Variants in SLC10A7 observed in about 807,000 individuals in gnomAD.
SLC10A7 encodes solute carrier family 10 member 7, also known as sodium/bile acid cotransporter 7.
In SLC10A7, 29 loss-of-function variants were observed where a neutral mutation model predicts 43.2. The ratio of observed to expected loss-of-function variants is 0.67; its 90% CI spans 0.50 to 0.92. The LOEUF (loss-of-function observed/expected upper bound fraction) is 0.92. SLC10A7 is among the 40% of genes least tolerant of loss of function. The probability of loss-of-function intolerance (pLI) is 0.00; values close to 1 mark genes in which losing one functional copy is unlikely to be tolerated. For missense variants in SLC10A7, 295 were observed against 403.2 expected (o/e 0.73, Z 2.30); for synonymous variants, 152 against 144.8 (o/e 1.05, Z -0.35).
At chr4:146,483,211 T>C (rs1440056644) in intron 4 of SLC10A7, among the ~76,000 whole-genome samples, 1 of 152,234 alleles carries the variant, frequency 6.6e-6, no homozygotes, top group Admixed American at 6.5e-5. Flanking sequence ...ACTGTAGTGA[T>C]GGTGTGTAAA....
intron 5 of SLC10A7, among the ~76,000 whole-genome samples, chr4:146,346,264 C>CA (rs1471691677): frequency 5.3e-5 from 8 of 152,136 alleles, no homozygotes; most frequent in African/African-American, 1.9e-4. Flanking sequence ...AAAACAACAA[C>CA]AACAAAAAAC....
At chr4:146,442,021 T>A in intron 5 of SLC10A7, 3 of 979,298 alleles carry the variant, frequency 3.1e-6, no homozygotes, top group Non-Finnish European at 2.4e-6. Context: ...GCTAATGAGT[T>A]ATGCCCCAAA....
chr4:146,468,109 C>A (rs1021513789), intron 4 of SLC10A7, among the ~76,000 whole-genome samples: 2 of 152,178 alleles, frequency 1.3e-5, no homozygotes, highest in African/African-American at 4.8e-5. Flanking sequence ...GAACCTCTAA[C>A]GAGTTTAATT....
At chr4:146,427,095 A>G (rs1461702892) in intron 5 of SLC10A7, among the ~76,000 whole-genome samples, 1 of 152,192 alleles carries the variant, frequency 6.6e-6, no homozygotes, top group Admixed American at 6.5e-5. Flanking sequence ...GTGGCCAGAC[A>G]TGATGGAAGA....
At chr4:146,501,332 C>T (rs1579351097) in intron 4 of SLC10A7, among the ~76,000 whole-genome samples, 2 of 152,158 alleles carry the variant, frequency 1.3e-5, no homozygotes, top group African/African-American at 4.8e-5. Flanking sequence ...AAACCAAATT[C>T]TTGATCTTTA....
chr4:146,489,408 G>T (rs1469537379), intron 4 of SLC10A7, among the ~76,000 whole-genome samples: 1 of 152,110 alleles, frequency 6.6e-6, no homozygotes, highest in African/African-American at 2.4e-5. Context: ...GTCTCTTTTT[G>T]TGTCAGTTTT....
intron 7 of SLC10A7, among the ~76,000 whole-genome samples, chr4:146,301,670 G>A (rs1010113960): frequency 3.9e-5 from 6 of 152,148 alleles, no homozygotes; most frequent in African/African-American, 1.4e-4. Context: ...AGGTGTGAAA[G>A]ATTTCTGAGG....
chr4:146,304,216 T>C (rs1731372806), intron 7 of SLC10A7, among the ~76,000 whole-genome samples: 1 of 149,956 alleles, frequency 6.7e-6, no homozygotes, highest in Non-Finnish European at 1.5e-5. Flanking sequence ...CTTTAAGAGA[T>C]AATAGGATTA....
At chr4:146,408,472 C>A (rs1312563055) in intron 5 of SLC10A7, 1 of 152,018 alleles carries the variant, frequency 6.6e-6, no homozygotes, top group Non-Finnish European at 1.5e-5. Flanking sequence ...ACTGCTTGAA[C>A]CCTGGAGTGA....
intron 5 of SLC10A7, among the ~76,000 whole-genome samples, chr4:146,383,565 T>A (rs1334700819): frequency 6.6e-6 from 1 of 152,196 alleles, no homozygotes; most frequent in Admixed American, 6.5e-5. Flanking sequence ...TCCCACCCTG[T>A]GGAGTGTGCT....
chr4:146,484,069 A>G (rs1734719340), intron 4 of SLC10A7, among the ~76,000 whole-genome samples: 1 of 152,214 alleles, frequency 6.6e-6, no homozygotes, highest in Non-Finnish European at 1.5e-5. Flanking sequence ...TGAAAAGATC[A>G]GGCCAGGTGC....
chr4:146,450,086 T>C (rs1731451448), intron 4 of SLC10A7, among the ~76,000 whole-genome samples: 1 of 146,268 alleles, frequency 6.8e-6, no homozygotes, highest in African/African-American at 2.5e-5. Context: ...TTTAAATATA[T>C]AGCTGAGCTA....
At chr4:146,288,581 T>TA (rs1730193304) in intron 9 of SLC10A7, among the ~76,000 whole-genome samples, 1 of 152,216 alleles carries the variant, frequency 6.6e-6, no homozygotes, top group Admixed American at 6.5e-5. Flanking sequence ...GCTATCTTGG[T>TA]AAATAATCCA....
intron 10 of SLC10A7, among the ~76,000 whole-genome samples, chr4:146,272,192 T>G (rs1285848264): frequency 1.3e-5 from 2 of 152,196 alleles, no homozygotes; most frequent in Non-Finnish European, 2.9e-5. Context: ...AAGCATCTTT[T>G]CATTGGCACT....
intron 5 of SLC10A7, among the ~76,000 whole-genome samples, chr4:146,421,431 A>G (rs1396104773): frequency 6.6e-6 from 1 of 152,120 alleles, no homozygotes; most frequent in African/African-American, 2.4e-5. Context: ...TCACTCACCA[A>G]CTTACCAATA....
intron 6 of SLC10A7, among the ~76,000 whole-genome samples, chr4:146,316,189 C>T (rs1453860108): frequency 1.3e-5 from 2 of 151,990 alleles, no homozygotes; most frequent in Non-Finnish European, 2.9e-5. Flanking sequence ...GGAAGATATA[C>T]TGAGAAAATA....
intron 10 of SLC10A7, among the ~76,000 whole-genome samples, chr4:146,261,331 G>A (rs1000943163): frequency 6.6e-6 from 1 of 152,172 alleles, no homozygotes; most frequent in Non-Finnish European, 1.5e-5. Flanking sequence ...AGCACCAGCG[G>A]GGCAGTGCCC....
chr4:146,519,112 T>TATATATAA (rs1553991185), intron 1 of SLC10A7, among the ~76,000 whole-genome samples: 16 of 15,962 alleles, frequency 1.0e-3, no homozygotes, highest in Admixed American at 2.1e-3. Context: ...TATATATATA[T>TATATATAA]AATATAATAT....
At chr4:146,284,314 A>C (rs947800548) in intron 9 of SLC10A7, among the ~76,000 whole-genome samples, 12 of 152,170 alleles carry the variant, frequency 7.9e-5, no homozygotes, top group African/African-American at 2.9e-4. Flanking sequence ...CTCCCTAATG[A>C]AAGAGACCCA....
Sources: gnomAD v4.1 joint callset for allele counts (sites outside exome capture counted in the v4.1 genomes callset) on GRCh38, gnomAD v4.1.1 for gene constraint, MANE v1.5 for transcripts, NCBI Gene and HGNC (gene_info 2026-07-23, HGNC 2026-07-21) for gene names.